SF3A3: variants seen among roughly 807,000 people sequenced by gnomAD.
The protein encoded by SF3A3 is splicing factor 3a subunit 3.
SF3A3 carries 9 observed loss-of-function variants against 85.8 expected under a neutral mutation model. That is an observed-to-expected ratio of 0.10 (90% CI 0.06 to 0.18). SF3A3 has a LOEUF of 0.18. Among genes scored for constraint, SF3A3 ranks in the 10% least tolerant of loss-of-function variants. SF3A3 has a pLI of 1.00. For synonymous variants in SF3A3, 195 were observed against 204.4 expected (o/e 0.95, Z 0.39); for missense variants, 306 against 593.3 (o/e 0.52, Z 5.03).
At chr1:37,982,027 A>C (rs1646422632) in intron 6 of SF3A3, among the ~76,000 whole-genome samples, 1 of 152,080 alleles carries the variant, frequency 6.6e-6, no homozygotes, top group African/African-American at 2.4e-5. Context: ...AGACATAATA[A>C]CTTTACAAAA....
chr1:37,967,922 T>C, intron 15 of SF3A3, 122 bp downstream of exon 15: 1 of 688,960 alleles, frequency 1.5e-6, no homozygotes. Context: ...ACAACTGTCC[T>C]AGATTTTACA....
In SF3A3 at chr1:37,979,449, G is replaced by A. The variant is rs376468778; in HGVS notation, c.759+16C>T. The A allele has an allele frequency of 8.1e-6, 13 of 1,595,616 alleles. No homozygotes were observed. In the South Asian group the frequency reaches 8.8e-5, roughly 11 times the overall value. On this transcript the variant is annotated intron_variant, in intron 9 of 16. Transcript: ENST00000373019. ...AATAGACAGAGAGAACACTACTACTGCTGAAGGAAACATACCTCCCAGGAG... is the reference window on the plus strand; with the variant it reads ...AATAGACAGAGAGAACACTACTACTACTGAAGGAAACATACCTCCCAGGAG...
At chr1:37,969,943 C>G (rs999181270) in intron 12 of SF3A3, among the ~76,000 whole-genome samples, 3 of 152,192 alleles carry the variant, frequency 2.0e-5, no homozygotes, top group Admixed American at 1.3e-4. Context: ...GGTTTTACAT[C>G]ACTTGCCTAA....
intron 4 of SF3A3, among the ~76,000 whole-genome samples, chr1:37,987,180 G>A (rs1359104616): frequency 2.0e-5 from 3 of 152,194 alleles, no homozygotes; most frequent in African/African-American, 7.2e-5. Context: ...CCAGGTTCAA[G>A]TGATTCTCTT....
Position 37,989,593 on chromosome 1 carries a change from G to A in SF3A3, c.99C>T (p.Leu33=), listed in dbSNP as rs1377976036. ...GGTGATCAGAATTGATCTGGTCCCG[G>A]AGCTGAAAAAACAAACGGTGACACA... ...AKEMLTKKST[L]RDQINSDHRT... The change falls in exon 2 of 17, where the codon CTC becomes CTT. Residue 33 remains leucine (L), a splice_region_variant and synonymous_variant. Coordinates refer to ENST00000373019, the MANE Select transcript of SF3A3 (RefSeq NM_006802.4). 1.2e-5 allele frequency: 20 copies of A among 1,613,774 alleles called. No individual in the cohort carries two copies. The highest frequency in any genetic ancestry group is 1.6e-5 in the Non-Finnish European group (19 of 1,179,906).
intron 12 of SF3A3, among the ~76,000 whole-genome samples, chr1:37,972,227 G>A (rs1027185378): frequency 1.3e-5 from 2 of 152,162 alleles, no homozygotes; most frequent in Non-Finnish European, 2.9e-5. Flanking sequence ...TAAACGGAGA[G>A]CCAAATCATG....
chr1:37,973,914 A>G (rs1230012308), intron 12 of SF3A3, among the ~76,000 whole-genome samples: 1 of 152,234 alleles, frequency 6.6e-6, no homozygotes, highest in Non-Finnish European at 1.5e-5. Context: ...AAAAAGGATG[A>G]GTTCGTGTCC....
chr1:37,960,825 T>TC (rs1646252488), intron 15 of SF3A3: 1 of 151,070 alleles, frequency 6.6e-6, no homozygotes, highest in Non-Finnish European at 1.5e-5. Context: ...TAATTTTTTT[T>TC]GTATTTTTTA....
At chr1:37,968,872 A>G (rs538074764) in intron 14 of SF3A3, among the ~76,000 whole-genome samples, 11 of 152,320 alleles carry the variant, frequency 7.2e-5, no homozygotes, top group Non-Finnish European at 1.6e-4. Context: ...CTTAGAGGTG[A>G]GCCCACTTAC....
intron 14 of SF3A3, 124 bp from the exon 15 acceptor site, chr1:37,968,258 C>A: frequency 1.5e-6 from 1 of 677,362 alleles, no homozygotes; most frequent in Non-Finnish European, 2.8e-6. Flanking sequence ...AGGTAGCATT[C>A]CTTTTGTGAT....
intron 12 of SF3A3, among the ~76,000 whole-genome samples, chr1:37,973,147 C>T (rs1646354918): frequency 6.6e-6 from 1 of 151,894 alleles, no homozygotes; most frequent in African/African-American, 2.4e-5. Flanking sequence ...CCACTACACT[C>T]CAGCCTGGGC....
chr1:37,974,700 G>C (rs1646367917), intron 12 of SF3A3, among the ~76,000 whole-genome samples: 1 of 152,146 alleles, frequency 6.6e-6, no homozygotes, highest in East Asian at 1.9e-4. Context: ...CAAATCTGTA[G>C]TGGCACGCTA....
At chr1:37,988,747 ATC>A (rs1412740842) in intron 2 of SF3A3, among the ~76,000 whole-genome samples, 1 of 152,106 alleles carries the variant, frequency 6.6e-6, no homozygotes, top group Non-Finnish European at 1.5e-5. Flanking sequence ...TTTAAATAGC[ATC>A]TTGTTTTTCT....
chr1:37,967,267 G>A (rs1161608831), intron 15 of SF3A3, among the ~76,000 whole-genome samples: 2 of 145,134 alleles, frequency 1.4e-5, no homozygotes, highest in South Asian at 2.2e-4. Context: ...ACAAAGGCTG[G>A]GCATGGTGGC....
At chr1:37,985,124 A>G (rs1160754953) in intron 4 of SF3A3, among the ~76,000 whole-genome samples, 1 of 152,212 alleles carries the variant, frequency 6.6e-6, no homozygotes. Flanking sequence ...GGATTTTTCA[A>G]TGTAAAAGTT....
chr1:37,977,432 G>A (rs974011768), intron 11 of SF3A3, among the ~76,000 whole-genome samples: 3 of 152,220 alleles, frequency 2.0e-5, no homozygotes, highest in African/African-American at 7.2e-5. Context: ...GCCAGGCTCG[G>A]TGGCTCATGC....
chr1:37,982,498 G>C (rs928882767), intron 6 of SF3A3, among the ~76,000 whole-genome samples: 1 of 151,750 alleles, frequency 6.6e-6, no homozygotes, highest in Non-Finnish European at 1.5e-5. Context: ...AGCCTCCTGA[G>C]TAATTGGGAT....
Position 37,984,234 on chromosome 1 carries a change from C to T in SF3A3, c.403G>A (p.Gly135Arg). 2 of 1,606,778 alleles carry T rather than the reference C, an allele frequency of 1.2e-6. No homozygotes were observed. Among genetic ancestry groups the T allele is most frequent in the Non-Finnish European group, 1.7e-6 (2 of 1,174,374 alleles). The change falls in exon 6 of 17, where the codon GGA becomes AGA. Residue 135 changes from glycine (G) to arginine (R), a missense_variant. Gly to Arg is a moderately radical substitution (Grantham distance 125). Coordinates refer to ENST00000373019, the MANE Select transcript of SF3A3 (RefSeq NM_006802.4). ...TGGAGATCGAGATAACGACCATATCCCTCTTCATCTGTGAACTCCACCAAG... is the reference window on the plus strand; with the variant it reads ...TGGAGATCGAGATAACGACCATATCTCTCTTCATCTGTGAACTCCACCAAG... ...QNLVEFTDEE[G>R]YGRYLDLHDC...
chr1:37,982,102 G>C (rs892201471), intron 6 of SF3A3, among the ~76,000 whole-genome samples: 2 of 148,804 alleles, frequency 1.3e-5, no homozygotes, highest in African/African-American at 4.9e-5. Context: ...TCATGCTAGG[G>C]TCTTGGTTAA....
Sources: gnomAD v4.1 joint callset for allele counts (sites outside exome capture counted in the v4.1 genomes callset) on GRCh38, gnomAD v4.1.1 for gene constraint, MANE v1.5 for transcripts, NCBI Gene and HGNC (gene_info 2026-07-23, HGNC 2026-07-21) for gene names.